PCNX4: variants seen among roughly 807,000 people sequenced by gnomAD.
PCNX4 encodes pecanex 4, also known as pecanex-like protein 4.
In PCNX4, 103 loss-of-function variants were observed where a neutral mutation model predicts 107.2. The ratio of observed to expected loss-of-function variants is 0.96; its 90% CI spans 0.82 to 1.13. PCNX4 has a LOEUF of 1.13. PCNX4 is among the 50% of genes most tolerant of loss of function. PCNX4 has a pLI of 0.00. For missense variants in PCNX4, 1,528 were observed against 1,379.4 expected (o/e 1.11, Z -1.71); for synonymous variants, 541 against 481.7 (o/e 1.12, Z -1.61).
chr14:60,106,707 T>C (rs1188571535), intron 1 of PCNX4, among the ~76,000 whole-genome samples: 4 of 152,364 alleles, frequency 2.6e-5, no homozygotes, highest in Non-Finnish European at 4.4e-5. Flanking sequence ...AGAATTGATA[T>C]TGGTTAGGTA....
At chr14:60,132,701 ATCTGATAAGGGAC>A (rs1896176705) in intron 10 of PCNX4, among the ~76,000 whole-genome samples, 1 of 152,162 alleles carries the variant, frequency 6.6e-6, no homozygotes, top group Non-Finnish European at 1.5e-5. Flanking sequence ...ATTTGCCCAT[ATCTGATAAGGGAC>A]TGTTACTAGA....
intron 1 of PCNX4, among the ~76,000 whole-genome samples, chr14:60,098,416 C>T (rs1895467627): frequency 6.6e-6 from 1 of 152,186 alleles, no homozygotes; most frequent in Admixed American, 6.5e-5. Context: ...GTATTTCTTT[C>T]CTCTTTAACT....
intron 1 of PCNX4, among the ~76,000 whole-genome samples, chr14:60,092,886 G>A (rs1023928866): frequency 3.9e-5 from 6 of 152,232 alleles, no homozygotes; most frequent in African/African-American, 1.4e-4. Context: ...TGAATCGGAA[G>A]TTGTTTTCCA....
At chr14:60,125,285 T>C in intron 9 of PCNX4, 34 bp downstream of exon 9, 2 of 1,457,812 alleles carry the variant, frequency 1.4e-6, no homozygotes, top group Non-Finnish European at 1.8e-6. Flanking sequence ...AGTTATAACA[T>C]TGTTGGAAAA....
intron 2 of PCNX4, 136 bp from the exon 3 acceptor site, chr14:60,114,564 A>G (rs1381624022): frequency 7.4e-6 from 5 of 672,712 alleles, no homozygotes; most frequent in South Asian, 2.5e-5. Context: ...AGTTGGGACT[A>G]AGACTTTTCT....
chr14:60,098,790 T>G (rs1244724183), intron 1 of PCNX4, among the ~76,000 whole-genome samples: 2 of 151,888 alleles, frequency 1.3e-5, no homozygotes, highest in South Asian at 2.1e-4. Flanking sequence ...AATACAAAAT[T>G]AGCTGAGCGT....
In PCNX4 at chr14:60,118,575, A is replaced by C. The variant is rs1261096743; in HGVS notation, c.1825A>C (p.Ser609Arg). The change falls in exon 7 of 11, where the codon AGT (serine) becomes CGT (arginine). Residue 609 changes from serine to arginine, a missense_variant. By Grantham distance (110) the Ser-to-Arg change is moderately radical (BLOSUM62 -1). Transcript: ENST00000406854. ...FLVGFPRPIQ[S>R]WPGAAGTTAC... Reference sequence around the variant, plus strand: ...GGTGGGGTTTCCCCGACCTATTCAGAGTTGGCCAGGAGCAGCAGGCACCAC... The same window carrying C: ...GGTGGGGTTTCCCCGACCTATTCAGCGTTGGCCAGGAGCAGCAGGCACCAC... The C allele has an allele frequency of 6.2e-7, 1 of 1,613,712 alleles. No individual in the cohort carries two copies. Among genetic ancestry groups the C allele is most frequent in the Non-Finnish European group, 8.5e-7 (1 of 1,179,838 alleles).
In PCNX4 at chr14:60,124,280, T is replaced by A. The variant is rs1469310915; in HGVS notation, c.2109T>A (p.Phe703Leu). 3 of 1,606,626 alleles carry A rather than the reference T, an allele frequency of 1.9e-6. No individual in the cohort carries two copies. In the South Asian group the frequency reaches 3.3e-5, roughly 18 times the overall value. The change falls in exon 9 of 11, where the codon TTT becomes TTA. Residue 703 changes from phenylalanine (F) to leucine (L), a missense_variant. Phe to Leu is a conservative substitution (Grantham distance 22, BLOSUM62 0). Transcript: ENST00000406854. Reference protein sequence around the residue: ...TAEARRVDEVFEDAFEQEYTR... With the variant: ...TAEARRVDEVLEDAFEQEYTR... ...AAGCTCGCAGAGTTGATGAAGTTTT[T>A]GAAGATGCTTTTGAGCAAGAATACA...
At chr14:60,117,571 G>A (rs976371274) in intron 6 of PCNX4, among the ~76,000 whole-genome samples, 1 of 152,136 alleles carries the variant, frequency 6.6e-6, no homozygotes, top group Non-Finnish European at 1.5e-5. Context: ...GGAATTTCTG[G>A]TTGTATATAG....
chr14:60,111,090 C>G (rs146511299), intron 2 of PCNX4: 95 of 165,550 alleles, frequency 5.7e-4, no homozygotes, highest in Non-Finnish European at 1.0e-3. Context: ...CCTGACTATA[C>G]TGGCAGCCTG....
chr14:60,106,247 C>T (rs1020470030), intron 1 of PCNX4, among the ~76,000 whole-genome samples: 1 of 152,140 alleles, frequency 6.6e-6, no homozygotes, highest in Non-Finnish European at 1.5e-5. Context: ...ATGTTCAAGT[C>T]TCTGATATAA....
At chr14:60,104,196 G>T (rs942189177) in intron 1 of PCNX4, among the ~76,000 whole-genome samples, 7 of 151,900 alleles carry the variant, frequency 4.6e-5, no homozygotes, top group Admixed American at 4.6e-4. Context: ...GCACACACCT[G>T]TAATCCCAGC....
At chr14:60,116,519 T>C (rs574203172) in intron 6 of PCNX4, among the ~76,000 whole-genome samples, 2 of 152,300 alleles carry the variant, frequency 1.3e-5, no homozygotes, top group African/African-American at 4.8e-5. Context: ...ATAGCCCTTG[T>C]AGGGTAGCTC....
At chr14:60,096,134 G>C (rs905565577) in intron 1 of PCNX4, among the ~76,000 whole-genome samples, 9 of 109,530 alleles carry the variant, frequency 8.2e-5, no homozygotes, top group African/African-American at 2.6e-4. Context: ...CGAAGGTTTT[G>C]GGTGTGACAG....
At position 60,115,458 on chromosome 14, in the gene PCNX4, TTAGG is replaced by T. The variant is rs1456167108; in HGVS notation, c.1357+2_1357+5del. ...TATTGTCAGACGGATTTTGCTAACT[TTAGG>T]TAGGAAGATAAAGTCTATTAACCTT... On this transcript the variant is annotated splice_donor_variant and coding_sequence_variant, in exon 4 of 11. Coordinates refer to ENST00000406854, the MANE Select transcript of PCNX4 (RefSeq NM_001330177.2). LOFTEE classifies it high-confidence loss of function. 1.3e-6 allele frequency: 2 copies of T among 1,521,042 alleles called. No individual in the cohort carries two copies. Among genetic ancestry groups the T allele is most frequent in the Non-Finnish European group, 1.8e-6 (2 of 1,142,156 alleles). 94.2% of individuals were successfully genotyped at this position (1,521,042 alleles called of 1,614,324 possible).
intron 10 of PCNX4, among the ~76,000 whole-genome samples, chr14:60,129,241 A>C (rs1896110663): frequency 1.2e-5 from 1 of 83,488 alleles, no homozygotes; most frequent in Non-Finnish European, 2.1e-5. Context: ...ACTCCATCTC[A>C]AAAAAAAAAA....
intron 2 of PCNX4, among the ~76,000 whole-genome samples, chr14:60,114,368 G>A (rs1895798632): frequency 1.3e-5 from 2 of 152,200 alleles, no homozygotes; most frequent in South Asian, 4.1e-4. Flanking sequence ...GGCCTCAGTT[G>A]TTCAGTTTTA....
rs764725212 is a variant in PCNX4 at position 60,125,838 on chromosome 14, T to A, written c.3267+15T>A. On this transcript the variant is annotated intron_variant, in intron 10 of 10. Coordinates refer to ENST00000406854, the MANE Select transcript of PCNX4 (RefSeq NM_001330177.2). ...ATTCTAATATGGTAAGGTTAAAAAA[T>A]TTTTAAACTTACATATACTAACCTT... The A allele has an allele frequency of 2.1e-5, 33 of 1,563,330 alleles. No individual in the cohort carries two copies. The South Asian group carries it at 2.1e-4, about 10-fold the overall frequency.
intron 10 of PCNX4, 181 bp from the exon 11 acceptor site, chr14:60,133,789 A>AT (rs1896197232): frequency 3.0e-6 from 2 of 673,008 alleles, no homozygotes; most frequent in South Asian, 3.5e-5. Flanking sequence ...AGTAGAGGTA[A>AT]TTCTTGATTC....
Sources: gnomAD v4.1 joint callset for allele counts (sites outside exome capture counted in the v4.1 genomes callset) on GRCh38, gnomAD v4.1.1 for gene constraint, MANE v1.5 for transcripts, NCBI Gene and HGNC (gene_info 2026-07-23, HGNC 2026-07-21) for gene names.